The following ENPP2 variants were observed in gnomAD, a reference collection of about 807,000 sequenced individuals.
The protein encoded by ENPP2 is ectonucleotide pyrophosphatase/phosphodiesterase 2, also known as autotaxin.
ENPP2 carries 51 observed loss-of-function variants against 120.2 expected under a neutral mutation model. That is an observed-to-expected ratio of 0.42 (90% CI 0.34 to 0.54). The LOEUF (loss-of-function observed/expected upper bound fraction) is 0.54, where lower values mean the gene tolerates loss of function less well. Among genes scored for constraint, ENPP2 ranks in the 20% least tolerant of loss-of-function variants. The pLI is 0.04. For missense variants in ENPP2, 920 were observed against 1,066.5 expected (o/e 0.86, Z 1.91); for synonymous variants, 365 against 366.4 (o/e 1.00, Z 0.04).
chr8:119,631,752 G>A (rs1816700278), intron 2 of ENPP2, among the ~76,000 whole-genome samples: 1 of 152,100 alleles, frequency 6.6e-6, no homozygotes. Flanking sequence ...TGTTTTCCTA[G>A]GAGTTCTGCA....
intron 9 of ENPP2, among the ~76,000 whole-genome samples, chr8:119,606,642 G>C (rs2130620972): frequency 6.6e-6 from 1 of 151,748 alleles, no homozygotes; most frequent in South Asian, 2.1e-4. Context: ...ATCTCTTAAA[G>C]GGACAGTGTG....
At position 119,569,134 on chromosome 8, in the gene ENPP2, C is replaced by T. The variant is rs562085323; in HGVS notation, c.2053+101G>A. 1.2e-4 allele frequency: 131 copies of T among 1,127,514 alleles called. No homozygotes were observed. The African/African-American group carries it at 1.6e-3, about 13-fold the overall frequency. The allele number at this position is 1,127,514 out of a possible 1,614,324, so 69.8% of individuals were successfully genotyped here. On this transcript the variant is annotated intron_variant, in intron 21 of 24. Transcript: ENST00000075322. ...ATTCATTTAGATAATCTTCTGAGCA[C>T]CCTCTCTTGAAGAAAACCCAAGCCA...
chr8:119,654,241 G>T (rs2130881194), intron 1 of ENPP2, among the ~76,000 whole-genome samples: 1 of 135,076 alleles, frequency 7.4e-6, no homozygotes, highest in African/African-American at 2.8e-5. Context: ...AAAAGATATA[G>T]CTATATATCT....
In ENPP2 at chr8:119,586,352, CT is replaced by C. The variant is rs781735611; in HGVS notation, c.1240-40del. On this transcript the variant is annotated intron_variant, in intron 14 of 24. Coordinates refer to ENST00000075322, the MANE Select transcript of ENPP2 (RefSeq NM_001040092.3). ...GGAAATCAGACTTCAGATGGAATGT[CT>C]TTTGGAAAAATTCTTACAAATTCTC... 3.7e-6 allele frequency: 6 copies of C among 1,603,950 alleles called. No individual in the cohort carries two copies. In the South Asian group the frequency reaches 6.6e-5, roughly 18 times the overall value.
At chr8:119,666,779 A>T (rs368482977) in intron 1 of ENPP2, among the ~76,000 whole-genome samples, 1,858 of 41,032 alleles carry the variant, frequency 0.045, 41 homozygotes, top group African/African-American at 0.3. Context: ...AAACTGTCTA[A>T]AAAAAAAAAA....
At chr8:119,564,728 G>T (rs1814265540) in intron 23 of ENPP2, 95 bp downstream of exon 23, 4 of 937,238 alleles carry the variant, frequency 4.3e-6, no homozygotes, top group Non-Finnish European at 6.1e-6. Flanking sequence ...CTTAAGGGGT[G>T]TCATCTCTTC....
chr8:119,647,036 C>A (rs1327413650), intron 1 of ENPP2, among the ~76,000 whole-genome samples: 2 of 148,328 alleles, frequency 1.3e-5, no homozygotes, highest in Non-Finnish European at 3.0e-5. Context: ...TTGGCTCTGT[C>A]GCCCAGGCTG....
intron 1 of ENPP2, among the ~76,000 whole-genome samples, chr8:119,664,668 A>G (rs1865291): frequency 0.64 from 97,529 of 152,048 alleles, 32,630 homozygotes; most frequent in African/African-American, 0.83. Context: ...TCAGCTAGGC[A>G]CGGTGGCTCA....
chr8:119,614,541 C>T (rs1278317117), intron 8 of ENPP2, among the ~76,000 whole-genome samples: 4 of 152,148 alleles, frequency 2.6e-5, no homozygotes, highest in Non-Finnish European at 4.4e-5. Flanking sequence ...CTTCATTGGG[C>T]AGGTTAACAG....
At chr8:119,607,052 C>T (rs926703378) in intron 9 of ENPP2, among the ~76,000 whole-genome samples, 1 of 151,966 alleles carries the variant, frequency 6.6e-6, no homozygotes, top group Non-Finnish European at 1.5e-5. Flanking sequence ...GGAAGGAGCC[C>T]CACTTTCTTA....
At position 119,619,257 on chromosome 8, in the gene ENPP2, C is replaced by G; in HGVS notation, c.466G>C (p.Glu156Gln). The change falls in exon 5 of 25, where the codon GAA becomes CAA. Residue 156 changes from glutamate to glutamine, a missense_variant. Glu to Gln is a conservative substitution (Grantham distance 29). Coordinates refer to ENST00000075322, the MANE Select transcript of ENPP2 (RefSeq NM_001040092.3). ...AAATACACTTACCCTGCAGGGCATT[C>G]TGCGGCCTTTATTTCCTCACAGTCA... ...DDDCEEIKAAECPAGFVRPPL... is the reference protein window; with the variant it reads ...DDDCEEIKAAQCPAGFVRPPL... 1 of 1,611,870 alleles carries G rather than the reference C, an allele frequency of 6.2e-7. No individual in the cohort carries two copies. The highest frequency in any genetic ancestry group is 8.5e-7 in the Non-Finnish European group (1 of 1,178,132).
Position 119,561,598 on chromosome 8 carries a change from T to C in ENPP2, c.2421+1259A>G, listed in dbSNP as rs535641908. 8.5e-5 allele frequency among the ~76,000 whole-genome samples: 13 copies of C among 152,254 alleles called. No individual in the cohort carries two copies. In the South Asian group the frequency reaches 2.5e-3, roughly 29 times the overall value. On this transcript the variant is annotated intron_variant, in intron 24 of 24. Transcript: ENST00000075322. ...AAGTTAGTACAGGGCCAGGAGCATATAGCATGGCTCCTGTCTTCCTCCCTA... is the reference window on the plus strand; with the variant it reads ...AAGTTAGTACAGGGCCAGGAGCATACAGCATGGCTCCTGTCTTCCTCCCTA...
intron 9 of ENPP2, among the ~76,000 whole-genome samples, chr8:119,605,444 G>A (rs953773328): frequency 1.3e-5 from 2 of 149,454 alleles, no homozygotes; most frequent in African/African-American, 5.0e-5. Context: ...GTGTGTGTGT[G>A]TGTGTGTGTG....
At chr8:119,629,955 C>A (rs1379051607) in intron 2 of ENPP2, among the ~76,000 whole-genome samples, 1 of 152,160 alleles carries the variant, frequency 6.6e-6, no homozygotes, top group Non-Finnish European at 1.5e-5. Context: ...CCACGAGCTG[C>A]TTAAATAAAT....
chr8:119,631,930 C>G (rs1481980855), intron 2 of ENPP2, among the ~76,000 whole-genome samples: 1 of 152,108 alleles, frequency 6.6e-6, no homozygotes, highest in Non-Finnish European at 1.5e-5. Context: ...TGTTTAAAAT[C>G]AAGAAAAATC....
At chr8:119,592,364 T>C (rs1813566807) in intron 12 of ENPP2, among the ~76,000 whole-genome samples, 1 of 149,506 alleles carries the variant, frequency 6.7e-6, no homozygotes, top group African/African-American at 2.5e-5. Flanking sequence ...TCCCAGCTAC[T>C]CAGGAGGCTG....
At chr8:119,599,582 T>G (rs375463793) in intron 11 of ENPP2, among the ~76,000 whole-genome samples, 1 of 152,206 alleles carries the variant, frequency 6.6e-6, no homozygotes, top group African/African-American at 2.4e-5. Context: ...TCCATCATAT[T>G]TTTTACTATC....
chr8:119,654,817 G>A (rs1817723362), intron 1 of ENPP2, among the ~76,000 whole-genome samples: 1 of 152,120 alleles, frequency 6.6e-6, no homozygotes, highest in South Asian at 2.1e-4. Flanking sequence ...AAGCACTTTG[G>A]CTATACAACA....
At chr8:119,562,105 C>T (rs1252160319) in intron 24 of ENPP2, among the ~76,000 whole-genome samples, 1 of 151,062 alleles carries the variant, frequency 6.6e-6, no homozygotes, top group Non-Finnish European at 1.5e-5. Context: ...CCACTGCACT[C>T]CAGCCTAGGT....
Sources: allele counts gnomAD v4.1 joint callset (sites outside exome capture counted in the v4.1 genomes callset), GRCh38; gene constraint gnomAD v4.1.1; transcripts MANE v1.5; gene names NCBI Gene and HGNC (gene_info 2026-07-23, HGNC 2026-07-21).